The following ANKMY1 variants were observed in gnomAD, a reference collection of about 807,000 sequenced individuals.
ANKMY1 encodes ankyrin repeat and MYND domain-containing protein 1.
In ANKMY1, 98 loss-of-function variants were observed where a neutral mutation model predicts 102.0. That is an observed-to-expected ratio of 0.96 (90% CI 0.82 to 1.14). The LOEUF (loss-of-function observed/expected upper bound fraction) is 1.14, where lower values mean the gene tolerates loss of function less well. ANKMY1 is among the 50% of genes most tolerant of loss of function. ANKMY1 has a pLI of 0.00. For missense variants in ANKMY1, 1,330 were observed against 1,347.6 expected, an observed-to-expected ratio of 0.99 and a Z score of 0.20; for synonymous variants, 582 against 559.9, an observed-to-expected ratio of 1.04 and a Z score of -0.56.
At chr2:240,515,499 C>T (rs957870969) in intron 9 of ANKMY1, among the ~76,000 whole-genome samples, 3 of 151,770 alleles carry the variant, frequency 2.0e-5, no homozygotes, top group African/African-American at 7.3e-5. Context: ...TTTGCCACTG[C>T]ACTCCAGCTT....
At chr2:240,494,464 T>C (rs1394470461) in intron 15 of ANKMY1, among the ~76,000 whole-genome samples, 2 of 152,282 alleles carry the variant, frequency 1.3e-5, no homozygotes, top group African/African-American at 2.4e-5. Flanking sequence ...ACCCAGCCAC[T>C]GCCACTCAGG....
intron 9 of ANKMY1, chr2:240,519,986 C>T (rs2081878446): frequency 6.6e-6 from 3 of 452,624 alleles, no homozygotes; most frequent in Non-Finnish European, 1.4e-5. Context: ...AAACCCTTTG[C>T]CTCTCCTGCC....
chr2:240,484,312 C>T (rs938022813), intron 15 of ANKMY1, among the ~76,000 whole-genome samples: 2 of 152,142 alleles, frequency 1.3e-5, no homozygotes, highest in Non-Finnish European at 1.5e-5. Context: ...TACTACAAGG[C>T]TACAGTAACC....
intron 4 of ANKMY1, among the ~76,000 whole-genome samples, chr2:240,530,537 G>A (rs974551540): frequency 2.0e-5 from 3 of 152,168 alleles, no homozygotes; most frequent in Non-Finnish European, 4.4e-5. Context: ...GAAGCTTCTT[G>A]AGGCTGTCCC....
chr2:240,521,109 G>T (rs1308194371), intron 8 of ANKMY1, among the ~76,000 whole-genome samples: 5 of 152,156 alleles, frequency 3.3e-5, no homozygotes, highest in Admixed American at 1.3e-4. Context: ...GGTGGGGGTT[G>T]TGCAGCCGCG....
intron 10 of ANKMY1, among the ~76,000 whole-genome samples, chr2:240,512,405 G>A (rs2080389289): frequency 6.6e-6 from 1 of 152,246 alleles, no homozygotes; most frequent in Non-Finnish European, 1.5e-5. Context: ...GTCTTTTGGA[G>A]CTTGGCAGGG....
At chr2:240,516,027 C>T (rs1258616732) in intron 9 of ANKMY1, among the ~76,000 whole-genome samples, 1 of 151,704 alleles carries the variant, frequency 6.6e-6, no homozygotes, top group African/African-American at 2.4e-5. Flanking sequence ...TTTTGTTTCC[C>T]TTTTGAGTAA....
chr2:240,472,252 TACCAATCTACGGCCGCACGCGG>T, the ANKMY1 span, among the ~76,000 whole-genome samples: 2 of 124,398 alleles, frequency 1.6e-5, no homozygotes, highest in Admixed American at 7.6e-5. Flanking sequence ...GAGGCAGGCC[TACCAATCTACGGCCGCACGCGG>T]GGAGGCAGGC....
chr2:240,486,635 A>C (rs913022386), intron 15 of ANKMY1, among the ~76,000 whole-genome samples: 4 of 152,220 alleles, frequency 2.6e-5, no homozygotes, highest in Non-Finnish European at 5.9e-5. Flanking sequence ...ATTCTCAGTT[A>C]ACAGTTTATC....
chr2:240,518,949 C>T (rs773071564), intron 9 of ANKMY1, among the ~76,000 whole-genome samples: 19 of 152,226 alleles, frequency 1.2e-4, no homozygotes, highest in Non-Finnish European at 2.5e-4. Context: ...ACACTCAATG[C>T]CGCCTGAGTG....
Position 240,523,949 on chromosome 2 carries a change from G to C in ANKMY1, c.1768C>G (p.Pro590Ala). 1 of 1,613,778 alleles carries C rather than the reference G, an allele frequency of 6.2e-7. No individual in the cohort carries two copies. The highest frequency in any genetic ancestry group is 8.5e-7 in the Non-Finnish European group (1 of 1,180,044). ...QSHSLLKMASPSPCTSSFDKG... is the reference protein window; with the variant it reads ...QSHSLLKMASASPCTSSFDKG... Reference sequence around the variant, plus strand: ...TCGAAGCTGCTGGTGCACGGTGAGGGCGAGGCCATCTTCAGCAAGCTGTGG... The same window carrying C: ...TCGAAGCTGCTGGTGCACGGTGAGGCCGAGGCCATCTTCAGCAAGCTGTGG... The change falls in exon 8 of 18, where the codon CCC (proline) becomes GCC (alanine). Residue 590 changes from proline to alanine, a missense_variant. Transcript: ENST00000401804.
chr2:240,537,181 C>G (rs189265397), intron 4 of ANKMY1, among the ~76,000 whole-genome samples: 2 of 152,330 alleles, frequency 1.3e-5, no homozygotes, highest in African/African-American at 2.4e-5. Context: ...GTCAGGCCCC[C>G]ACCCTCACCT....
chr2:240,513,023 C>T (rs1254795348), intron 9 of ANKMY1, 81 bp from the exon 10 acceptor site: 28 of 1,524,990 alleles, frequency 1.8e-5, no homozygotes, highest in Non-Finnish European at 2.2e-5. Flanking sequence ...GACCCAAATG[C>T]CAGGGAAATG....
chr2:240,550,451 C>T (rs1008968007), intron 4 of ANKMY1, among the ~76,000 whole-genome samples: 1 of 151,462 alleles, frequency 6.6e-6, no homozygotes. Context: ...CAGCATGGCA[C>T]ATGTATACAT....
chr2:240,507,429 A>G, intron 13 of ANKMY1, 131 bp downstream of exon 13: 3 of 993,152 alleles, frequency 3.0e-6, no homozygotes, highest in Non-Finnish European at 3.9e-6. Flanking sequence ...CAGCCCTTAT[A>G]CCCCTCACCC....
upstream of ANKMY1, chr2:240,560,732 T>A (rs746216059): frequency 2.6e-6 from 4 of 1,520,166 alleles, no homozygotes; most frequent in Non-Finnish European, 2.6e-6. Context: ...CGCCCGTACC[T>A]CCACCGTTGG....
chr2:240,469,240 C>T, the ANKMY1 span, among the ~76,000 whole-genome samples: 1 of 152,228 alleles, frequency 6.6e-6, no homozygotes, highest in Non-Finnish European at 1.5e-5. Flanking sequence ...AAGGAGGACA[C>T]AGGTGCGTGT....
chr2:240,479,893 G>A (rs1004958741), intron 17 of ANKMY1, among the ~76,000 whole-genome samples: 2 of 152,128 alleles, frequency 1.3e-5, no homozygotes, highest in Non-Finnish European at 2.9e-5. Context: ...AAGGAGCTGC[G>A]ACCTCACCGA....
At chr2:240,551,852 C>G (rs957614632) in intron 4 of ANKMY1, among the ~76,000 whole-genome samples, 1 of 152,142 alleles carries the variant, frequency 6.6e-6, no homozygotes, top group African/African-American at 2.4e-5. Context: ...TAGAAATTGA[C>G]CCTTCTGGTC....
Sources: allele counts gnomAD v4.1 joint callset (sites outside exome capture counted in the v4.1 genomes callset), GRCh38; gene constraint gnomAD v4.1.1; transcripts MANE v1.5; gene names NCBI Gene and HGNC (gene_info 2026-07-23, HGNC 2026-07-21).